Variants in ABCA7 observed in about 807,000 individuals in gnomAD.
The protein encoded by ABCA7 is ATP binding cassette subfamily A member 7, also known as phospholipid-transporting ATPase ABCA7.
A neutral mutation model predicts 227.6 loss-of-function variants in ABCA7; 261 were observed. The ratio of observed to expected loss-of-function variants is 1.15; its 90% CI spans 1.04 to 1.27. The LOEUF is 1.27. ABCA7 is among the 50% of genes most tolerant of loss of function. ABCA7 has a pLI of 0.00. For missense variants in ABCA7, 3,331 were observed against 2,924.5 expected (o/e 1.14, Z -3.21); for synonymous variants, 1,488 against 1,279.7 (o/e 1.16, Z -3.47).
At position 1,041,541 on chromosome 19, in the gene ABCA7, T is replaced by C. The variant is rs764096823; in HGVS notation, c.98T>C (p.Leu33Pro). The change falls in exon 3 of 47, where the codon CTC (leucine) becomes CCC (proline). Residue 33 changes from leucine to proline, a missense_variant. Physicochemically the swap from Leu to Pro is moderately conservative, Grantham distance 98. Transcript: ENST00000263094. ...VQLLVELLWPLFLFFILVAVR... is the reference protein window; with the variant it reads ...VQLLVELLWPPFLFFILVAVR... Reference sequence around the variant, plus strand: ...CTCCTGGTCGAATTGCTGTGGCCTCTCTTCCTCTTCTTCATCCTGGTGGCT... The same window carrying C: ...CTCCTGGTCGAATTGCTGTGGCCTCCCTTCCTCTTCTTCATCCTGGTGGCT... The C allele has an allele frequency of 3.8e-5, 61 of 1,613,442 alleles. No individual in the cohort carries two copies. The Admixed American group carries it at 1.0e-3, about 26-fold the overall frequency.
In ABCA7 at chr19:1,063,594, G is replaced by T; in HGVS notation, c.5763G>T (p.Arg1921=). 6.2e-7 allele frequency: 1 copy of T among 1,611,228 alleles called. No individual in the cohort carries two copies. The highest frequency in any genetic ancestry group is 8.5e-7 in the Non-Finnish European group (1 of 1,179,942). ...ARLGLSWYAD[R]PAGTYSGGNK... is the part of the protein sequence containing the mutation. ...TGGGACTCTCATGGTACGCAGACCG[G>T]CCTGCAGGCACCTACAGCGGAGGGA... is the stretch of plus-strand genomic sequence containing the variant. Residue 1921 remains arginine (R), a synonymous_variant, in exon 43 of 47, where the codon CGG becomes CGT. Transcript: ENST00000263094.
Position 1,045,133 on chromosome 19 carries a change from C to G in ABCA7, c.1347C>G (p.Pro449=). 1 of 1,612,936 alleles carries G rather than the reference C, an allele frequency of 6.2e-7. No individual in the cohort carries two copies. Among genetic ancestry groups the G allele is most frequent in the Non-Finnish European group, 8.5e-7 (1 of 1,179,990 alleles). The change falls in exon 12 of 47, where the codon CCC becomes CCG. Residue 449 remains proline, a synonymous_variant. Transcript: ENST00000263094. The part of the protein sequence containing the change: ...VFLGPEDSSD[P]TEHPTPDLGP... ...TGGGACCTGAGGACTCTTCAGACCC[C>G]ACAGAGCACCCAACCCCAGACCTGG...
chr19:1,049,292 C>A lies in ABCA7; in HGVS notation c.2407C>A (p.Leu803Met). 1 of 1,609,980 alleles carries A rather than the reference C, an allele frequency of 6.2e-7. No individual in the cohort carries two copies. The highest frequency in any genetic ancestry group is 8.5e-7 in the Non-Finnish European group (1 of 1,178,130). ...KVLVEEAPPG[L>M]SPGVSVRSLE... is the part of the protein sequence containing the mutation. ...GCTGGTAGAAGAGGCACCGCCCGGC[C>A]TGAGTCCTGGCGTCTCCGTTCGCAG... The change falls in exon 18 of 47, where the codon CTG becomes ATG. Residue 803 changes from leucine (L) to methionine (M), a missense_variant. Transcript: ENST00000263094.
intron 42 of ABCA7, 38 bp from the exon 43 acceptor site, chr19:1,063,506 A>G (rs1338080451): frequency 6.2e-7 from 1 of 1,603,998 alleles, no homozygotes; most frequent in Non-Finnish European, 8.5e-7. Flanking sequence ...ATACTCATCA[A>G]TATGAGTCCC....
Position 1,063,822 on chromosome 19 carries a change from C to A in ABCA7, c.5910C>A (p.Ala1970=). ...GCTTCCTTTGGAACAGCCTTTTGGC[C>A]GTGGTGCGGGAGGGCCGTTCAGTGA... ...ARRFLWNSLL[A]VVREGRSVML... Residue 1970 remains alanine, a synonymous_variant, in exon 44 of 47, where the codon GCC becomes GCA. Transcript: ENST00000263094. 2 of 1,544,240 alleles carry A rather than the reference C, an allele frequency of 1.3e-6. No individual in the cohort carries two copies. Among genetic ancestry groups the A allele is most frequent in the South Asian group, 1.2e-5 (1 of 84,058 alleles).
chr19:1,056,797 C>A lies in ABCA7; in HGVS notation c.4587-110C>A. 7.9e-7 allele frequency: 1 copy of A among 1,260,110 alleles called. No homozygotes were observed. Among genetic ancestry groups the A allele is most frequent in the South Asian group, 1.4e-5 (1 of 71,602 alleles). 78.1% of individuals were successfully genotyped at this position (1,260,110 alleles called of 1,614,324 possible). The stretch of plus-strand genomic sequence containing the variant: ...CCCTAAATTGCCCCTGCCATCTCTG[C>A]CACTGCTGACTGCCCCATAGACCTT... On this transcript the variant is annotated intron_variant, in intron 33 of 46. Coordinates refer to ENST00000263094, the MANE Select transcript of ABCA7 (RefSeq NM_019112.4). This position sits in a 1 kb window ranked among gnomAD's most constrained non-coding sequence, Gnocchi z 4.3.
Position 1,055,448 on chromosome 19 carries a change from G to T in ABCA7, c.4205+97G>T, listed in dbSNP as rs191081934. 6,211 of 1,401,970 alleles carry T rather than the reference G, an allele frequency of 4.4e-3. 172 individuals are homozygous for T. The South Asian group carries it at 0.053, about 12-fold the overall frequency. 86.8% of individuals were successfully genotyped at this position (1,401,970 alleles called of 1,614,324 possible). ...CCTGGAGGAGGAAGTGGAGGGGTTG[G>T]ATGCCCAGCTTGGGGCTACGGGCTG... On this transcript the variant is annotated intron_variant, in intron 30 of 46. Transcript: ENST00000263094.
chr19:1,045,697 TCTTTAAAAATTAG>T (rs1453732667), intron 12 of ABCA7: 4 of 136,794 alleles, frequency 2.9e-5, no homozygotes, highest in African/African-American at 6.3e-5. Flanking sequence ...CACGAAAATA[TCTTTAAAAATTAG>T]CCAGGTGAGG....
chr19:1,057,481 C>T (rs1433585098), intron 35 of ABCA7, 52 bp downstream of exon 35: 2 of 1,507,456 alleles, frequency 1.3e-6, no homozygotes, highest in Non-Finnish European at 9.2e-7. Flanking sequence ...TTACTGCCTT[C>T]CACATTAATG....
chr19:1,043,865 G>A (rs4622634), intron 10 of ABCA7, 24 bp downstream of exon 10: 3 of 1,606,438 alleles, frequency 1.9e-6, no homozygotes, highest in African/African-American at 1.3e-5. Flanking sequence ...CTGGGGAGGT[G>A]GGATGTGGCT....
rs758030228 is a variant in ABCA7, at chr19:1,049,254, C to T, written c.2381-12C>T. 4.4e-6 allele frequency: 7 copies of T among 1,587,068 alleles called. No homozygotes were observed. The East Asian group carries it at 1.1e-4, about 26-fold the overall frequency. On this transcript the variant is annotated splice_polypyrimidine_tract_variant and intron_variant, in intron 17 of 46. Coordinates refer to ENST00000263094, the MANE Select transcript of ABCA7 (RefSeq NM_019112.4). The stretch of plus-strand genomic sequence containing the variant: ...CATGACCTCCATGGCTGAGTCCACC[C>T]CATCTCTGCAGTGCTGGTAGAAGAG...
intron 13 of ABCA7, 49 bp from the exon 14 acceptor site, chr19:1,046,753 G>A: frequency 6.6e-7 from 1 of 1,504,002 alleles, no homozygotes; most frequent in Non-Finnish European, 8.9e-7. Context: ...GGGCGGAGGG[G>A]GGGTCTGCGG....
chr19:1,044,992 C>A lies in ABCA7; in HGVS notation c.1216-10C>A. On this transcript the variant is annotated splice_polypyrimidine_tract_variant and intron_variant, in intron 11 of 46. Transcript: ENST00000263094. ...CCCCAGCGCCTAGGACTCACCCCCG[C>A]ATCCCACAGTGCCTGTCCTTGGACA... The A allele has an allele frequency of 2.5e-6, 4 of 1,612,020 alleles. No homozygotes were observed. The highest frequency in any genetic ancestry group is 3.4e-6 in the Non-Finnish European group (4 of 1,179,580).
rs774426467 is a variant in ABCA7, at chr19:1,047,173, C to T, written c.1862C>T (p.Pro621Leu). 1 of 1,604,164 alleles carries T rather than the reference C, an allele frequency of 6.2e-7. No individual in the cohort carries two copies. Among genetic ancestry groups the T allele is most frequent in the East Asian group, 2.3e-5 (1 of 44,030 alleles). Residue 621 changes from proline to leucine, a missense_variant, in exon 15 of 47, where the codon CCC becomes CTC. By Grantham distance (98) the Pro-to-Leu change is moderately conservative (BLOSUM62 -3). Transcript: ENST00000263094. ...VLVLKLGDIL[P>L]YSHPGVVFLF... ...CTCTCACAGCTGGGAGACATCCTCC[C>T]CTACAGCCACCCGGGCGTGGTCTTC...
At position 1,042,185 on chromosome 19, in the gene ABCA7, G is replaced by GC; in HGVS notation, c.415+11dup. The stretch of plus-strand genomic sequence containing the variant: ...GGCTGCACGCAGCACGGGTGAGGAG[G>GC]CCGGGGGGCCTCTGGCAGGGCTGAG... On this transcript the variant is annotated intron_variant, in intron 5 of 46. Transcript: ENST00000263094. 1.2e-6 allele frequency: 2 copies of GC among 1,600,570 alleles called. No homozygotes were observed. The highest frequency in any genetic ancestry group is 1.7e-5 in the Admixed American group (1 of 59,846).
Position 1,054,350 on chromosome 19 carries a change from G to C in ABCA7, c.3726+9G>C, listed in dbSNP as rs746274224. Reference sequence around the variant, plus strand: ...GCGGCCTGTTCGCCCAGGTGAGGAGGGCTAGCACCAGGGAGTCGCATGGGA... The same window carrying C: ...GCGGCCTGTTCGCCCAGGTGAGGAGCGCTAGCACCAGGGAGTCGCATGGGA... On this transcript the variant is annotated intron_variant, in intron 27 of 46. Coordinates refer to ENST00000263094, the MANE Select transcript of ABCA7 (RefSeq NM_019112.4). The surrounding 1 kb of genome is among the most constrained non-coding windows in gnomAD (Gnocchi z 4.8). 8.8e-6 allele frequency: 14 copies of C among 1,587,776 alleles called. No individual in the cohort carries two copies. The highest frequency in any genetic ancestry group is 3.8e-4 in the Middle Eastern group (2 of 5,226).
intron 18 of ABCA7, among the ~76,000 whole-genome samples, chr19:1,050,003 G>GC (rs947556597): frequency 5.1e-4 from 53 of 103,444 alleles, no homozygotes; most frequent in East Asian, 1.7e-3. Flanking sequence ...CTCCCTGTGA[G>GC]CCCCCCACCA....
chr19:1,049,060 CA>C (rs1158947055), intron 17 of ABCA7, 55 bp downstream of exon 17: 3 of 1,037,580 alleles, frequency 2.9e-6, no homozygotes, highest in Non-Finnish European at 4.2e-6. Flanking sequence ...AGTTCCCCCC[CA>C]AAACGAGATT....
intron 17 of ABCA7, 66 bp downstream of exon 17, chr19:1,049,071 T>A (rs901626585): frequency 3.1e-6 from 3 of 976,224 alleles, no homozygotes; most frequent in Non-Finnish European, 4.6e-6. Flanking sequence ...AAAACGAGAT[T>A]CCACAGATGC....
Sources: gnomAD v4.1 joint callset for allele counts (sites outside exome capture counted in the v4.1 genomes callset) on GRCh38, gnomAD v4.1.1 for gene constraint, Gnocchi (gnomAD v3.1) non-coding constraint, MANE v1.5 for transcripts, NCBI Gene and HGNC (gene_info 2026-07-23, HGNC 2026-07-21) for gene names.